The following MYO1E variants were observed in gnomAD, a reference collection of about 807,000 sequenced individuals.
The protein encoded by MYO1E is unconventional myosin-Ie.
Under a neutral mutation model 151.1 loss-of-function variants are expected in MYO1E, and 68 were observed. The observed-to-expected ratio is 0.45, with a 90% CI of 0.37 to 0.55. The LOEUF (loss-of-function observed/expected upper bound fraction) is 0.55. MYO1E is among the 20% of genes least tolerant of loss of function. MYO1E has a pLI of 0.00. For synonymous variants in MYO1E, 601 were observed against 501.7 expected, an observed-to-expected ratio of 1.20 and a Z score of -2.64; for missense variants, 1,363 against 1,389.3, an observed-to-expected ratio of 0.98 and a Z score of 0.30.
intron 19 of MYO1E, among the ~76,000 whole-genome samples, chr15:59,176,484 G>C (rs2079626244): frequency 1.4e-5 from 2 of 144,936 alleles, no homozygotes; most frequent in Non-Finnish European, 3.0e-5. Flanking sequence ...TAGAGAAAGG[G>C]TCTTTCTTGA....
At chr15:59,164,631 C>A (rs1347515441) in intron 22 of MYO1E, among the ~76,000 whole-genome samples, 1 of 152,170 alleles carries the variant, frequency 6.6e-6, no homozygotes, top group African/African-American at 2.4e-5. Flanking sequence ...AAAATCTGAT[C>A]CATTTAGAAG....
intron 1 of MYO1E, among the ~76,000 whole-genome samples, chr15:59,372,274 G>A (rs191057723): frequency 6.6e-6 from 1 of 152,258 alleles, no homozygotes; most frequent in Admixed American, 6.5e-5. Flanking sequence ...GTTTCGCGAC[G>A]CAGAAACCGA....
chr15:59,262,364 T>G (rs1176433643), intron 2 of MYO1E, among the ~76,000 whole-genome samples: 1 of 152,108 alleles, frequency 6.6e-6, no homozygotes, highest in Non-Finnish European at 1.5e-5. Context: ...CTGTCTGTAC[T>G]CCCAGCATGT....
chr15:59,244,981 T>C lies in MYO1E; in HGVS notation c.333-8309A>G, dbSNP rs934335143. ...CAGAAAGCTTGGGGAACAGGGTCAA[T>C]CTAGGCCCTTGCTCTTCAGATTTAC... is the stretch of plus-strand genomic sequence containing the variant. On this transcript the variant is annotated intron_variant, in intron 4 of 27. Transcript: ENST00000288235. Among the ~76,000 whole-genome samples the C allele has an allele frequency of 4.6e-5, 7 of 152,282 alleles. No individual in the cohort carries two copies. In the East Asian group the frequency reaches 1.3e-3, roughly 29 times the overall value.
At chr15:59,325,258 TC>T (rs1320576841) in intron 1 of MYO1E, among the ~76,000 whole-genome samples, 1 of 152,142 alleles carries the variant, frequency 6.6e-6, no homozygotes, top group African/African-American at 2.4e-5. Flanking sequence ...ATGGTCTCCA[TC>T]TCTTGAACTC....
chr15:59,185,602 A>G (rs1293140174), intron 18 of MYO1E, among the ~76,000 whole-genome samples: 2 of 152,232 alleles, frequency 1.3e-5, no homozygotes, highest in African/African-American at 4.8e-5. Context: ...GGGGTCGGGC[A>G]TGGTAGCTGA....
At chr15:59,259,082 C>G (rs2080210829) in intron 3 of MYO1E, among the ~76,000 whole-genome samples, 1 of 152,080 alleles carries the variant, frequency 6.6e-6, no homozygotes, top group Non-Finnish European at 1.5e-5. Flanking sequence ...TAGGCATGAG[C>G]CACCATGCCC....
chr15:59,175,440 A>T (rs1171715940), intron 19 of MYO1E, among the ~76,000 whole-genome samples: 2 of 152,164 alleles, frequency 1.3e-5, no homozygotes, highest in Non-Finnish European at 2.9e-5. Context: ...CATGCTTGGG[A>T]GACAGACCTA....
At chr15:59,360,948 T>C (rs2080881542) in intron 1 of MYO1E, among the ~76,000 whole-genome samples, 1 of 152,204 alleles carries the variant, frequency 6.6e-6, no homozygotes, top group Admixed American at 6.5e-5. Flanking sequence ...GACTTGACAG[T>C]GTGACTTGCT....
intron 16 of MYO1E, among the ~76,000 whole-genome samples, chr15:59,201,609 G>A (rs2079802688): frequency 6.6e-6 from 1 of 152,066 alleles, no homozygotes; most frequent in Admixed American, 6.5e-5. Flanking sequence ...TCTCCATGTT[G>A]GTCAGGCTGG....
Position 59,178,459 on chromosome 15 carries a change from C to T in MYO1E, c.1983G>A (p.Ser661=), listed in dbSNP as rs753049686. ...GGAACTGGTCGCTGTCCATGTTGACCGACTGCAGCAGGTGCAGGACGCCTT... is the reference window on the plus strand; with the variant it reads ...GGAACTGGTCGCTGTCCATGTTGACTGACTGCAGCAGGTGCAGGACGCCTT... ...EKQGVLHLLQ[S]VNMDSDQFQL... Residue 661 remains serine, a synonymous_variant, in exon 19 of 28, where the codon TCG becomes TCA. Transcript: ENST00000288235. The T allele has an allele frequency of 1.4e-5, 22 of 1,614,062 alleles. No homozygotes were observed. The highest frequency in any genetic ancestry group is 2.2e-5 in the South Asian group (2 of 91,076).
rs1326460396 is a variant in MYO1E, at chr15:59,231,753, C to T, written c.459G>A (p.Leu153=). The T allele has an allele frequency of 3.7e-6, 6 of 1,614,058 alleles. No individual in the cohort carries two copies. Among genetic ancestry groups the T allele is most frequent in the Non-Finnish European group, 5.1e-6 (6 of 1,180,032 alleles). ...KDIILQSNPL[L]EAFGNAKTVR... ...CGGTCTTGGCGTTCCCGAAGGCCTC[C>T]AGCAGCGGGTTGGACTGCAGGATAA... The change falls in exon 6 of 28, where the codon CTG becomes CTA. Residue 153 remains leucine (L), a synonymous_variant. Coordinates refer to ENST00000288235, the MANE Select transcript of MYO1E (RefSeq NM_004998.4).
At chr15:59,220,347 G>T (rs1255707104) in intron 9 of MYO1E, among the ~76,000 whole-genome samples, 4 of 152,216 alleles carry the variant, frequency 2.6e-5, no homozygotes, top group Admixed American at 2.6e-4. Context: ...TACTTGGGAG[G>T]CTGAGACAGG....
rs1211446366 is a variant in MYO1E, at chr15:59,178,539, T to C, written c.1905-2A>G. The C allele has an allele frequency of 1.2e-6, 2 of 1,613,864 alleles. No individual in the cohort carries two copies. Among genetic ancestry groups the C allele is most frequent in the Non-Finnish European group, 1.7e-6 (2 of 1,179,896 alleles). ...GTGGCTTTGGTCAGAATGGCATACCTGTGGGGACATTGGGGAGAAGAGAAT... is the reference window on the plus strand; with the variant it reads ...GTGGCTTTGGTCAGAATGGCATACCCGTGGGGACATTGGGGAGAAGAGAAT... On this transcript the variant is annotated splice_acceptor_variant, in intron 18 of 27. Transcript: ENST00000288235. LOFTEE classifies it high-confidence loss of function.
chr15:59,158,426 T>C, intron 24 of MYO1E, 47 bp from the exon 25 acceptor site: 1 of 1,436,666 alleles, frequency 7.0e-7, no homozygotes, highest in South Asian at 1.2e-5. Context: ...TGGTTGGTTT[T>C]ATGGATCCTC....
At chr15:59,366,995 CGCAAAAAAAAA>C (rs1469852277) in intron 1 of MYO1E, among the ~76,000 whole-genome samples, 3 of 107,320 alleles carry the variant, frequency 2.8e-5, no homozygotes, top group East Asian at 4.9e-4. Context: ...GCTGCATTTT[CGCAAAAAAAAA>C]AAAAAAAAAA....
intron 1 of MYO1E, among the ~76,000 whole-genome samples, chr15:59,306,101 G>A (rs1428579774): frequency 2.6e-5 from 4 of 152,118 alleles, no homozygotes; most frequent in African/African-American, 7.2e-5. Flanking sequence ...ATTTAAATGC[G>A]ATAAAATTAA....
chr15:59,310,226 C>T (rs763802714), intron 1 of MYO1E, among the ~76,000 whole-genome samples: 6 of 152,096 alleles, frequency 3.9e-5, no homozygotes, highest in Non-Finnish European at 7.4e-5. Flanking sequence ...TGGCAGCAAA[C>T]CCACTGCCCC....
At chr15:59,158,486 C>G in intron 24 of MYO1E, 107 bp from the exon 25 acceptor site, 2 of 826,458 alleles carry the variant, frequency 2.4e-6, no homozygotes, top group Non-Finnish European at 4.1e-6. Flanking sequence ...TTCCAGCTCT[C>G]AGGTGGATCT....
Sources: allele counts gnomAD v4.1 joint callset (sites outside exome capture counted in the v4.1 genomes callset), GRCh38; gene constraint gnomAD v4.1.1; transcripts MANE v1.5; gene names NCBI Gene and HGNC (gene_info 2026-07-23, HGNC 2026-07-21).